GLT8D2: variants seen among roughly 807,000 people sequenced by gnomAD.
GLT8D2 encodes glycosyltransferase 8 domain containing 2, also known as glycosyltransferase 8 domain-containing protein 2.
GLT8D2 carries 45 observed loss-of-function variants against 44.5 expected under a neutral mutation model. That is an observed-to-expected ratio of 1.01 (90% confidence interval 0.80 to 1.30). The LOEUF (loss-of-function observed/expected upper bound fraction) is 1.30, where lower values mean the gene tolerates loss of function less well. GLT8D2 is among the 50% of genes most tolerant of loss of function. GLT8D2 has a pLI of 0.00. For missense variants in GLT8D2, 400 were observed against 430.4 expected, an observed-to-expected ratio of 0.93 and a Z score of 0.62; for synonymous variants, 156 against 157.2, an observed-to-expected ratio of 0.99 and a Z score of 0.06.
intron 3 of GLT8D2, among the ~76,000 whole-genome samples, chr12:104,018,972 TTAAGAC>T (rs1295550903): frequency 1.2e-4 from 19 of 152,206 alleles, no homozygotes; most frequent in Non-Finnish European, 2.6e-4. Flanking sequence ...AGATGACTCT[TTAAGAC>T]TAAGAACGCA....
At chr12:104,018,599 C>T (rs1306352920) in intron 3 of GLT8D2, among the ~76,000 whole-genome samples, 2 of 152,136 alleles carry the variant, frequency 1.3e-5, no homozygotes, top group Non-Finnish European at 2.9e-5. Context: ...CACGGCCGGG[C>T]GCAGTGCCTC....
intron 1 of GLT8D2, among the ~76,000 whole-genome samples, chr12:104,021,977 G>T (rs28704524): frequency 4.7e-5 from 1 of 21,122 alleles, no homozygotes. Flanking sequence ...AAGAGGAAGA[G>T]GAAGAGGAAG....
Position 103,989,500 on chromosome 12 carries a change from GT to G in GLT8D2, c.957del (p.Lys319AsnfsTer54). 6.2e-7 allele frequency: 1 copy of G among 1,613,442 alleles called. No individual in the cohort carries two copies. Among genetic ancestry groups the G allele is most frequent in the Non-Finnish European group, 8.5e-7 (1 of 1,179,508 alleles). On this transcript the variant is annotated frameshift_variant, in exon 11 of 11. Coordinates refer to ENST00000360814, the MANE Select transcript of GLT8D2 (RefSeq NM_001384711.1). LOFTEE classifies it high-confidence loss of function. Reference protein sequence around the residue: ...AKLLHWNGRHKPWDFPSVHND... With the variant: ...AKLLHWNGRHXPWDFPSVHND... ...TTGTGAACACTAGGGAAGTCCCAAG[GT>G]TTATGTCTTCCATTCCAGTGGAGTA...
At chr12:104,052,187 A>C (rs76357550), upstream of GLT8D2, among the ~76,000 whole-genome samples, 1 of 152,250 alleles carries the variant, frequency 6.6e-6, no homozygotes, top group Non-Finnish European at 1.5e-5. Context: ...TCAGTAGTCA[A>C]TGTGGCTAGT....
chr12:103,997,653 AAT>A lies in GLT8D2; in HGVS notation c.403-120_403-119del. 5.7e-6 allele frequency: 4 copies of A among 704,444 alleles called. No homozygotes were observed. The South Asian group carries it at 6.7e-5, about 12-fold the overall frequency. 43.6% of individuals were successfully genotyped at this position (704,444 alleles called of 1,614,324 possible). A position where few individuals can be genotyped will look rare whatever the true frequency, so the allele number is the denominator to read the frequency against. ...CAGCTCAGCTCCAGGTTTGGAGCGG[AAT>A]AAAACAGGAGCTAGCAAGATGTCTC... On this transcript the variant is annotated intron_variant, in intron 6 of 10. Transcript: ENST00000360814.
At chr12:104,028,351 A>G (rs1034246194) in intron 1 of GLT8D2, among the ~76,000 whole-genome samples, 1 of 151,986 alleles carries the variant, frequency 6.6e-6, no homozygotes, top group Non-Finnish European at 1.5e-5. Context: ...ATTTCATCCT[A>G]TCCTTCCTTT....
At chr12:104,014,760 C>T (rs1012764583) in intron 4 of GLT8D2, among the ~76,000 whole-genome samples, 1 of 152,210 alleles carries the variant, frequency 6.6e-6, no homozygotes, top group African/African-American at 2.4e-5. Flanking sequence ...GATCCTACAC[C>T]TCACGGGTGG....
chr12:104,013,226 A>G (rs1876107927), intron 4 of GLT8D2, among the ~76,000 whole-genome samples: 1 of 152,212 alleles, frequency 6.6e-6, no homozygotes, highest in Non-Finnish European at 1.5e-5. Context: ...TCCCAGCTCT[A>G]GGCAACCACT....
chr12:104,056,784 C>T (rs1467220622), intron 1 of GLT8D2, among the ~76,000 whole-genome samples: 2 of 152,194 alleles, frequency 1.3e-5, no homozygotes, highest in East Asian at 1.9e-4. Context: ...AACAGATGCA[C>T]GCCATGGTCA....
intron 8 of GLT8D2, among the ~76,000 whole-genome samples, chr12:103,995,379 G>A (rs1352250328): frequency 3.9e-5 from 6 of 152,010 alleles, no homozygotes; most frequent in African/African-American, 1.4e-4. Context: ...CACCTTTAAT[G>A]AACCAGACTC....
At chr12:104,005,278 C>A (rs903766055) in intron 4 of GLT8D2, among the ~76,000 whole-genome samples, 1 of 152,088 alleles carries the variant, frequency 6.6e-6, no homozygotes, top group South Asian at 2.1e-4. Flanking sequence ...CCATAAAAAC[C>A]CTAGAAGAAA....
chr12:104,025,296 C>T lies in GLT8D2; in HGVS notation c.-163-3805G>A, dbSNP rs189606593. 5.1e-4 allele frequency among the ~76,000 whole-genome samples: 78 copies of T among 152,078 alleles called. No homozygotes were observed. In the East Asian group the frequency reaches 0.014, roughly 27 times the overall value. On this transcript the variant is annotated intron_variant, in intron 1 of 10. Transcript: ENST00000360814. Reference sequence around the variant, plus strand: ...TAATCTTGGCCCACTGCAACCTCCACCTCCCAGGCTCAAACGATTCTCCTA... The same window carrying T: ...TAATCTTGGCCCACTGCAACCTCCATCTCCCAGGCTCAAACGATTCTCCTA...
At chr12:104,058,267 G>A (rs978727396) in intron 1 of GLT8D2, among the ~76,000 whole-genome samples, 1 of 152,200 alleles carries the variant, frequency 6.6e-6, no homozygotes, top group South Asian at 2.1e-4. Flanking sequence ...CAGACTGTGA[G>A]TTGGGGGAAA....
At chr12:104,016,704 G>A (rs371476258) in intron 3 of GLT8D2, among the ~76,000 whole-genome samples, 32 of 73,576 alleles carry the variant, frequency 4.3e-4, no homozygotes, top group Non-Finnish European at 5.6e-4. Context: ...AGAAAGAAAG[G>A]GAGAGAGAAA....
At chr12:104,027,311 T>G (rs1878701088) in intron 1 of GLT8D2, among the ~76,000 whole-genome samples, 1 of 152,192 alleles carries the variant, frequency 6.6e-6, no homozygotes, top group African/African-American at 2.4e-5. Context: ...CATCTAACTT[T>G]CGGGGATGAT....
Position 104,008,902 on chromosome 12 carries a change from A to G in GLT8D2, c.113-5596T>C, listed in dbSNP as rs1327731344. Reference sequence around the variant, plus strand: ...CACGTGGTGTTGAGCCTGTGAGTGCACAGAAGTAAAAAATTGGGGTTTGGG... The same window carrying G: ...CACGTGGTGTTGAGCCTGTGAGTGCGCAGAAGTAAAAAATTGGGGTTTGGG... On this transcript the variant is annotated intron_variant, in intron 4 of 10. Transcript: ENST00000360814. Among the ~76,000 whole-genome samples the G allele has an allele frequency of 2.6e-5, 4 of 152,268 alleles. No homozygotes were observed. In the East Asian group the frequency reaches 7.7e-4, roughly 29 times the overall value.
chr12:104,008,115 C>T (rs1419312695), intron 4 of GLT8D2, among the ~76,000 whole-genome samples: 4 of 152,122 alleles, frequency 2.6e-5, no homozygotes, highest in Admixed American at 2.0e-4. Context: ...AAGATACCAA[C>T]AAATATGGAA....
intron 1 of GLT8D2, among the ~76,000 whole-genome samples, chr12:104,044,845 C>T (rs572308461): frequency 1.6e-4 from 25 of 152,270 alleles, no homozygotes; most frequent in Admixed American, 4.6e-4. Flanking sequence ...ATTTCAAGAC[C>T]GCTGAAAAGT....
chr12:104,056,317 C>G (rs545852502), intron 1 of GLT8D2, among the ~76,000 whole-genome samples: 23 of 152,308 alleles, frequency 1.5e-4, no homozygotes, highest in African/African-American at 4.8e-4. Context: ...TAGCACTCCC[C>G]AGAACCTCTT....
Sources: gnomAD v4.1 joint callset for allele counts (sites outside exome capture counted in the v4.1 genomes callset) on GRCh38, gnomAD v4.1.1 for gene constraint, MANE v1.5 for transcripts, NCBI Gene and HGNC (gene_info 2026-07-23, HGNC 2026-07-21) for gene names.